RNGTT: variants seen among roughly 807,000 people sequenced by gnomAD.
The protein encoded by RNGTT is mRNA-capping enzyme.
A neutral mutation model predicts 79.3 loss-of-function variants in RNGTT; 33 were observed. The ratio of observed to expected loss-of-function variants is 0.42; its 90% CI spans 0.32 to 0.56. RNGTT has a LOEUF of 0.56. Ranked by LOEUF, RNGTT falls within the 20% of genes least tolerant of loss-of-function variation. The probability of loss-of-function intolerance (pLI) is 0.17; values close to 1 mark genes in which losing one functional copy is unlikely to be tolerated. For synonymous variants in RNGTT, 222 were observed against 235.9 expected (o/e 0.94, Z 0.54); for missense variants, 497 against 739.1 (o/e 0.67, Z 3.80).
At chr6:88,629,442 G>A (rs1048381211) in intron 14 of RNGTT, among the ~76,000 whole-genome samples, 32 of 152,066 alleles carry the variant, frequency 2.1e-4, no homozygotes, top group African/African-American at 7.2e-4. Context: ...TGATCTTTGG[G>A]AGATCAGAAT....
Position 88,801,621 on chromosome 6 carries a change from T to C in RNGTT, c.1281A>G (p.Gly427=), listed in dbSNP as rs1779785986. 2.5e-6 allele frequency: 4 copies of C among 1,609,736 alleles called. No individual in the cohort carries two copies. The Admixed American group carries it at 6.7e-5, about 27-fold the overall frequency. Residue 427 remains glycine (G), a synonymous_variant, in exon 12 of 16, where the codon GGA becomes GGG. Coordinates refer to ENST00000369485, the MANE Select transcript of RNGTT (RefSeq NM_003800.5). ...DICTSRKLLE[G]NFAKEVSHEM... ...CATGGCTCACTTCTTTGGCAAAATT[T>C]CCTTCAAGTAGCTATAAAATAAATA...
intron 12 of RNGTT, among the ~76,000 whole-genome samples, chr6:88,800,707 T>A (rs1283602762): frequency 6.6e-6 from 1 of 152,228 alleles, no homozygotes; most frequent in African/African-American, 2.4e-5. Flanking sequence ...GAGCTGCATC[T>A]GTGAAACTTC....
In RNGTT at chr6:88,820,577, A is replaced by G. The variant is rs186583420; in HGVS notation, c.1270-18945T>C. Among the ~76,000 whole-genome samples, 4 of 152,340 alleles carry G rather than the reference A, an allele frequency of 2.6e-5. No individual in the cohort carries two copies. In the East Asian group the frequency reaches 7.7e-4, roughly 29 times the overall value. On this transcript the variant is annotated intron_variant, in intron 11 of 15. Coordinates refer to ENST00000369485, the MANE Select transcript of RNGTT (RefSeq NM_003800.5). The stretch of plus-strand genomic sequence containing the variant: ...CTGGAACTAATAAGCAATTATAGCC[A>G]GGTTTCAGGACACAAATATATAAAA...
chr6:88,704,259 CAAAAAAAAAAAAAA>C (rs35623392), intron 13 of RNGTT, among the ~76,000 whole-genome samples: 2 of 48,736 alleles, frequency 4.1e-5, no homozygotes, highest in South Asian at 2.8e-3. Flanking sequence ...GACTCTGTCT[CAAAAAAAAAAAAAA>C]AAAAAAAAAA....
At chr6:88,961,822 T>C (rs1785636214) in intron 1 of RNGTT, among the ~76,000 whole-genome samples, 1 of 152,218 alleles carries the variant, frequency 6.6e-6, no homozygotes, top group African/African-American at 2.4e-5. Flanking sequence ...GAAATGAAAG[T>C]ATATGTCCAC....
intron 11 of RNGTT, among the ~76,000 whole-genome samples, chr6:88,808,508 T>C (rs1435564751): frequency 6.6e-6 from 1 of 152,122 alleles, no homozygotes; most frequent in Non-Finnish European, 1.5e-5. Context: ...GTAAATCAAG[T>C]AGTATGATAG....
At chr6:88,702,599 T>A (rs970991201) in intron 13 of RNGTT, among the ~76,000 whole-genome samples, 5 of 152,068 alleles carry the variant, frequency 3.3e-5, no homozygotes, top group Non-Finnish European at 7.4e-5. Flanking sequence ...CCTCAAACTA[T>A]AAGAATCCTA....
At chr6:88,790,551 T>C (rs990989950) in intron 12 of RNGTT, among the ~76,000 whole-genome samples, 5 of 152,176 alleles carry the variant, frequency 3.3e-5, no homozygotes, top group East Asian at 3.8e-4. Context: ...GACTGAAGGA[T>C]TGACCTCCAG....
intron 2 of RNGTT, among the ~76,000 whole-genome samples, chr6:88,930,167 T>C (rs540449434): frequency 2.8e-5 from 4 of 142,722 alleles, no homozygotes; most frequent in Non-Finnish European, 4.5e-5. Context: ...CATATATACA[T>C]ATACATATAT....
At chr6:88,938,406 C>CA (rs1280481143) in intron 2 of RNGTT, among the ~76,000 whole-genome samples, 2 of 152,180 alleles carry the variant, frequency 1.3e-5, no homozygotes, top group Admixed American at 6.5e-5. Flanking sequence ...CCTTTACTTT[C>CA]AGTCTATGTG....
chr6:88,649,425 G>A (rs796624956), intron 14 of RNGTT, among the ~76,000 whole-genome samples: 4 of 152,318 alleles, frequency 2.6e-5, no homozygotes, highest in African/African-American at 9.6e-5. Flanking sequence ...CTAGCCGGGC[G>A]CGGTGGCTCA....
intron 14 of RNGTT, among the ~76,000 whole-genome samples, chr6:88,645,441 T>C (rs567794240): frequency 3.3e-5 from 5 of 152,180 alleles, no homozygotes; most frequent in South Asian, 2.1e-4. Flanking sequence ...AAGTAATTTA[T>C]AGATTCAATG....
intron 13 of RNGTT, among the ~76,000 whole-genome samples, chr6:88,709,952 ATT>A (rs1323984234): frequency 6.6e-6 from 1 of 152,244 alleles, no homozygotes; most frequent in African/African-American, 2.4e-5. Flanking sequence ...TAAGTAGTGT[ATT>A]GTTTGTATAT....
At chr6:88,725,470 G>T (rs1448035564) in intron 13 of RNGTT, among the ~76,000 whole-genome samples, 1 of 152,244 alleles carries the variant, frequency 6.6e-6, no homozygotes, top group Non-Finnish European at 1.5e-5. Flanking sequence ...GGGCGGTAAA[G>T]CATTCCTTAG....
intron 13 of RNGTT, among the ~76,000 whole-genome samples, chr6:88,719,602 T>G (rs867243507): frequency 3.9e-5 from 6 of 152,346 alleles, no homozygotes; most frequent in Middle Eastern, 6.8e-3. Context: ...TCTGTGAAAC[T>G]TATGAAGAGA....
At chr6:88,657,320 T>C (rs1490786662) in intron 14 of RNGTT, among the ~76,000 whole-genome samples, 1 of 152,056 alleles carries the variant, frequency 6.6e-6, no homozygotes, top group African/African-American at 2.4e-5. Flanking sequence ...TTTAGAGAGC[T>C]GAGGAAAATA....
intron 15 of RNGTT, among the ~76,000 whole-genome samples, chr6:88,613,700 GGT>G (rs1772117216): frequency 6.6e-6 from 1 of 151,766 alleles, no homozygotes; most frequent in Non-Finnish European, 1.5e-5. Flanking sequence ...AACTGCTACT[GGT>G]AGTGGTATAC....
At chr6:88,892,818 C>G (rs1783095490) in intron 6 of RNGTT, among the ~76,000 whole-genome samples, 1 of 152,068 alleles carries the variant, frequency 6.6e-6, no homozygotes, top group East Asian at 1.9e-4. Context: ...ACCTGGCAAT[C>G]TGAGCCACTT....
intron 13 of RNGTT, among the ~76,000 whole-genome samples, chr6:88,760,560 C>T (rs534918896): frequency 6.6e-6 from 1 of 152,100 alleles, no homozygotes; most frequent in East Asian, 1.9e-4. Flanking sequence ...TAAAAAAATA[C>T]AACCAGCTAC....
Sources: gnomAD v4.1 joint callset for allele counts (sites outside exome capture counted in the v4.1 genomes callset) on GRCh38, gnomAD v4.1.1 for gene constraint, MANE v1.5 for transcripts, NCBI Gene and HGNC (gene_info 2026-07-23, HGNC 2026-07-21) for gene names.